NPR3: variants seen among roughly 807,000 people sequenced by gnomAD.
The protein encoded by NPR3 is natriuretic peptide receptor 3, also known as atrial natriuretic peptide receptor 3.
Under a neutral mutation model 54.5 loss-of-function variants are expected in NPR3, and 34 were observed. The ratio of observed to expected loss-of-function variants is 0.62; its 90% confidence interval spans 0.47 to 0.83. The LOEUF is 0.83. Among genes scored for constraint, NPR3 ranks in the 40% least tolerant of loss-of-function variants. The pLI is 0.00. For missense variants in NPR3, 674 were observed against 720.8 expected (o/e 0.94, Z 0.74); for synonymous variants, 289 against 297.1 (o/e 0.97, Z 0.28).
intron 1 of NPR3, chr5:32,713,414 C>A (rs532415009): frequency 2.0e-6 from 2 of 985,300 alleles, no homozygotes; most frequent in Non-Finnish European, 2.4e-6. Context: ...GACGTGTAAT[C>A]GCCAGTGTGG....
intron 2 of NPR3, among the ~76,000 whole-genome samples, chr5:32,726,992 G>A (rs185214495): frequency 6.6e-6 from 1 of 152,192 alleles, no homozygotes; most frequent in Non-Finnish European, 1.5e-5. Flanking sequence ...CCAGCTTTTT[G>A]CTATTAAGAA....
At chr5:32,772,819 T>C (rs953955613) in intron 3 of NPR3, among the ~76,000 whole-genome samples, 1 of 152,220 alleles carries the variant, frequency 6.6e-6, no homozygotes, top group East Asian at 1.9e-4. Context: ...AAATAGGTAC[T>C]GTTAATTTTT....
chr5:32,723,346 A>C (rs1393879068), intron 1 of NPR3, among the ~76,000 whole-genome samples: 1 of 152,194 alleles, frequency 6.6e-6, no homozygotes, highest in African/African-American at 2.4e-5. Flanking sequence ...TGTGGTAGGC[A>C]ACAATATCCA....
chr5:32,769,412 G>T (rs1302835298), intron 3 of NPR3, among the ~76,000 whole-genome samples: 1 of 152,164 alleles, frequency 6.6e-6, no homozygotes, highest in Non-Finnish European at 1.5e-5. Flanking sequence ...GTCAGAGAAG[G>T]TGGTCCAGCC....
chr5:32,751,589 G>A (rs1434926153), intron 3 of NPR3, among the ~76,000 whole-genome samples: 1 of 152,152 alleles, frequency 6.6e-6, no homozygotes, highest in Non-Finnish European at 1.5e-5. Context: ...CCCGTAGCTT[G>A]TTTTTTCTCC....
At chr5:32,743,449 GT>G (rs1423827825) in intron 3 of NPR3, among the ~76,000 whole-genome samples, 1 of 152,074 alleles carries the variant, frequency 6.6e-6, no homozygotes, top group African/African-American at 2.4e-5. Context: ...AGATTTGAGT[GT>G]TTGAATTTTA....
At chr5:32,782,181 G>A (rs189817870) in intron 5 of NPR3, among the ~76,000 whole-genome samples, 1 of 152,302 alleles carries the variant, frequency 6.6e-6, no homozygotes, top group African/African-American at 2.4e-5. Flanking sequence ...CATAGGGTGG[G>A]TTCATCAGAG....
intron 2 of NPR3, among the ~76,000 whole-genome samples, chr5:32,730,524 G>GA (rs1464912858): frequency 6.6e-6 from 1 of 152,110 alleles, no homozygotes; most frequent in African/African-American, 2.4e-5. Flanking sequence ...TGGAAAAGAA[G>GA]AAAAAATCTG....
intron 1 of NPR3, among the ~76,000 whole-genome samples, chr5:32,713,914 C>G (rs1738402217): frequency 6.6e-6 from 1 of 152,242 alleles, no homozygotes; most frequent in Non-Finnish European, 1.5e-5. Flanking sequence ...CGAATTCCTA[C>G]CAGCCAAGCA....
chr5:32,715,337 T>C (rs1395599598), intron 1 of NPR3, among the ~76,000 whole-genome samples: 3 of 152,228 alleles, frequency 2.0e-5, no homozygotes, highest in Non-Finnish European at 4.4e-5. Context: ...GGTGAGAACA[T>C]TGGTATTACT....
At chr5:32,699,058 C>T (rs1740604181) in intron 1 of NPR3, among the ~76,000 whole-genome samples, 1 of 152,012 alleles carries the variant, frequency 6.6e-6, no homozygotes, top group Non-Finnish European at 1.5e-5. Flanking sequence ...TCTTTCATTC[C>T]TTCTTGTCTT....
In NPR3 at chr5:32,720,784, T is replaced by C. The variant is rs578164710; in HGVS notation, c.770-3914T>C. ...GCTGATGTCCTCTGTTCTCTATAAATCTTATCACCTGTTGGTAGGTGCTGG... is the reference window on the plus strand; with the variant it reads ...GCTGATGTCCTCTGTTCTCTATAAACCTTATCACCTGTTGGTAGGTGCTGG... On this transcript the variant is annotated intron_variant, in intron 1 of 7. Transcript: ENST00000265074. Among the ~76,000 whole-genome samples the C allele has an allele frequency of 1.7e-3, 258 of 152,318 alleles. 1 individual carries two copies. Among genetic ancestry groups the C allele is most frequent in the Non-Finnish European group, 2.7e-3 (186 of 68,020 alleles).
At chr5:32,752,400 T>A (rs950959669) in intron 3 of NPR3, among the ~76,000 whole-genome samples, 1 of 152,178 alleles carries the variant, frequency 6.6e-6, no homozygotes, top group Non-Finnish European at 1.5e-5. Context: ...TGGAATTGTA[T>A]ACTCCTAGAG....
intron 3 of NPR3, among the ~76,000 whole-genome samples, chr5:32,771,399 G>A (rs1741752406): frequency 6.6e-6 from 1 of 152,230 alleles, no homozygotes; most frequent in Admixed American, 6.5e-5. Flanking sequence ...ACCTGGGTGT[G>A]TATTCAGGGC....
rs115909714 is a variant in NPR3, at chr5:32,696,348, T to C, written c.100+7162T>C. On this transcript the variant is annotated intron_variant, in intron 1 of 5. Coordinates refer to the NPR3 transcript ENST00000509104. ...TTTCTGGGTTCTCTATTCTGTTACA[T>C]TGGTCTCTGTGTCTGTTTTTATGCT... 3.4e-3 allele frequency among the ~76,000 whole-genome samples: 517 copies of C among 152,328 alleles called. 2 individuals are homozygous for C. The highest frequency in any genetic ancestry group is 0.011 in the African/African-American group (471 of 41,574).
chr5:32,759,942 C>A (rs1037035957), intron 3 of NPR3, among the ~76,000 whole-genome samples: 1 of 152,160 alleles, frequency 6.6e-6, no homozygotes, highest in Non-Finnish European at 1.5e-5. Flanking sequence ...CCCCCACTCT[C>A]TTCTGGCTTG....
At chr5:32,715,239 T>G (rs557942267) in intron 1 of NPR3, among the ~76,000 whole-genome samples, 2 of 152,326 alleles carry the variant, frequency 1.3e-5, no homozygotes, top group South Asian at 4.1e-4. Context: ...CTCACCCAAG[T>G]GTGAAAATGC....
chr5:32,711,741 C>T lies in NPR3; in HGVS notation c.-36C>T, dbSNP rs528597133. 94 of 1,410,644 alleles carry T rather than the reference C, an allele frequency of 6.7e-5. No homozygotes were observed. In the South Asian group the frequency reaches 1.4e-3, roughly 21 times the overall value. 87.4% of individuals were successfully genotyped at this position (1,410,644 alleles called of 1,614,324 possible). A position where few individuals can be genotyped will look rare whatever the true frequency, so the allele number is the denominator to read the frequency against. On this transcript the variant is annotated 5_prime_UTR_variant, in exon 1 of 8. Coordinates refer to ENST00000265074, the MANE Select transcript of NPR3 (RefSeq NM_001204375.2). ...GGTGGGTGGGGGGCAGAGGGCGAGT[C>T]GGCGGCGGCGAGGGCAAGCTCTTTC... is the stretch of plus-strand genomic sequence containing the variant.
chr5:32,693,950 C>T (rs546276012), intron 1 of NPR3, among the ~76,000 whole-genome samples: 6 of 152,346 alleles, frequency 3.9e-5, no homozygotes, highest in African/African-American at 1.4e-4. Context: ...TCCTCAAAGT[C>T]CTGCCCCTTG....
Sources: gnomAD v4.1 joint callset for allele counts (sites outside exome capture counted in the v4.1 genomes callset) on GRCh38, gnomAD v4.1.1 for gene constraint, MANE v1.5 for transcripts, NCBI Gene and HGNC (gene_info 2026-07-23, HGNC 2026-07-21) for gene names.